EPDR1: variants seen among roughly 807,000 people sequenced by gnomAD.
The protein encoded by EPDR1 is mammalian ependymin-related protein 1.
EPDR1 carries 27 observed loss-of-function variants against 23.7 expected under a neutral mutation model. That is an observed-to-expected ratio of 1.14 (90% CI 0.84 to 1.57). The LOEUF is 1.57. Ranked by LOEUF, EPDR1 falls within the 40% of genes most tolerant of loss-of-function variation. The pLI is 0.00. For synonymous variants in EPDR1, 137 were observed against 118.2 expected (o/e 1.16, Z -1.03); for missense variants, 349 against 290.4 (o/e 1.20, Z -1.47).
intron 1 of EPDR1, among the ~76,000 whole-genome samples, chr7:37,927,375 G>GTT (rs139567755): frequency 6.6e-6 from 1 of 150,678 alleles, no homozygotes; most frequent in African/African-American, 2.4e-5. Flanking sequence ...GTTCATTCTA[G>GTT]TTTTTTTTTT....
intron 1 of EPDR1, among the ~76,000 whole-genome samples, chr7:37,942,537 C>G (rs1355976382): frequency 6.6e-6 from 1 of 152,148 alleles, no homozygotes; most frequent in Non-Finnish European, 1.5e-5. Flanking sequence ...TTTAACATTA[C>G]TGAACTGTAC....
intron 2 of EPDR1, 38 bp downstream of exon 2, chr7:37,949,086 G>A: frequency 6.3e-7 from 1 of 1,577,494 alleles, no homozygotes; most frequent in Non-Finnish European, 8.7e-7. Flanking sequence ...TATTCAGCAT[G>A]CATGATGGGG....
At chr7:37,944,121 A>G (rs1786223995) in intron 1 of EPDR1, among the ~76,000 whole-genome samples, 2 of 152,262 alleles carry the variant, frequency 1.3e-5, no homozygotes, top group South Asian at 4.1e-4. Context: ...TATTAGAACA[A>G]AGGAAGCTTA....
At chr7:37,948,818 C>T in intron 1 of EPDR1, 22 bp from the exon 2 acceptor site, 5 of 1,606,588 alleles carry the variant, frequency 3.1e-6, no homozygotes, top group Admixed American at 1.7e-5. Flanking sequence ...TCCCAAACTA[C>T]TTCTTTCCAT....
At chr7:37,940,806 TC>T (rs67254173) in intron 1 of EPDR1, among the ~76,000 whole-genome samples, 51,065 of 151,060 alleles carry the variant, frequency 0.34, 8,718 homozygotes, top group South Asian at 0.46. Flanking sequence ...GTTTTTTTTT[TC>T]TAATTGGAAG....
intron 1 of EPDR1, among the ~76,000 whole-genome samples, chr7:37,932,220 TTTG>T (rs1421035736): frequency 2.0e-5 from 3 of 152,110 alleles, no homozygotes; most frequent in African/African-American, 4.8e-5. Context: ...TGAGGTGGTT[TTTG>T]TTGTTGTTGT....
chr7:37,939,306 G>A (rs970010791), intron 1 of EPDR1, among the ~76,000 whole-genome samples: 1 of 151,934 alleles, frequency 6.6e-6, no homozygotes, highest in Non-Finnish European at 1.5e-5. Flanking sequence ...ACAAATTGAT[G>A]TGGATGAACT....
chr7:37,935,802 A>G (rs952169614), intron 1 of EPDR1, among the ~76,000 whole-genome samples: 1 of 151,386 alleles, frequency 6.6e-6, no homozygotes, highest in Non-Finnish European at 1.5e-5. Flanking sequence ...TGGGACAGTT[A>G]GTAGTATCTC....
chr7:37,926,588 G>A (rs1785819068), intron 1 of EPDR1: 1 of 419,048 alleles, frequency 2.4e-6, no homozygotes, highest in Admixed American at 2.4e-5. Flanking sequence ...GCACTTTAGT[G>A]CTTTTAAAGA....
At chr7:37,948,132 A>T (rs1786318081) in intron 1 of EPDR1, among the ~76,000 whole-genome samples, 1 of 151,806 alleles carries the variant, frequency 6.6e-6, no homozygotes, top group South Asian at 2.1e-4. Context: ...TGTTCAGTAT[A>T]CCCCCATAAT....
In EPDR1 at chr7:37,950,235, T is replaced by C; in HGVS notation, c.514T>C (p.Cys172Arg). Residue 172 changes from cysteine to arginine, a missense_variant, in exon 3 of 3, where the codon TGC (cysteine) becomes CGC (arginine). Transcript: ENST00000199448. The stretch of plus-strand genomic sequence containing the variant: ...GATTGGCATCTATACAGTCAAGGAT[T>C]GCTATCCTGTCCAGGAAACCTTTAC... ...TWIGIYTVKD[C>R]YPVQETFTIN... is the part of the protein sequence containing the mutation. 6.2e-7 allele frequency: 1 copy of C among 1,614,110 alleles called. No homozygotes were observed. The highest frequency in any genetic ancestry group is 1.3e-5 in the African/African-American group (1 of 75,052).
chr7:37,937,223 C>T (rs909431491), intron 1 of EPDR1, among the ~76,000 whole-genome samples: 28 of 152,144 alleles, frequency 1.8e-4, no homozygotes, highest in Non-Finnish European at 3.1e-4. Context: ...CCACATCTCA[C>T]ACCGTACATA....
At chr7:37,950,116 T>C in intron 2 of EPDR1, 84 bp from the exon 3 acceptor site, 1 of 995,650 alleles carries the variant, frequency 1.0e-6, no homozygotes. Flanking sequence ...AATTTTATGT[T>C]ATGTACATTT....
chr7:37,940,721 T>C (rs1278274462), intron 1 of EPDR1, among the ~76,000 whole-genome samples: 2 of 152,134 alleles, frequency 1.3e-5, no homozygotes, highest in Non-Finnish European at 2.9e-5. Flanking sequence ...AGGAAAGATA[T>C]ATAAAAGATA....
At chr7:37,922,307 G>A (rs1199903538) in intron 1 of EPDR1, among the ~76,000 whole-genome samples, 1 of 152,130 alleles carries the variant, frequency 6.6e-6, no homozygotes, top group Non-Finnish European at 1.5e-5. Flanking sequence ...AAGAAAGTAC[G>A]GAAAGGGCAG....
chr7:37,921,486 T>C, intron 1 of EPDR1: 5 of 1,352,188 alleles, frequency 3.7e-6, no homozygotes, highest in Non-Finnish European at 4.7e-6. Flanking sequence ...GGGATCAAGC[T>C]GCAGAGTGCC....
In EPDR1 at chr7:37,929,962, G is replaced by A. The variant is rs772519396; in HGVS notation, c.269+8754G>A. Among the ~76,000 whole-genome samples, 10 of 152,182 alleles carry A rather than the reference G, an allele frequency of 6.6e-5. No homozygotes were observed. In the South Asian group the frequency reaches 8.3e-4, roughly 13 times the overall value. ...CTCAGAAGCAGTGCCTTTTTGAGTC[G>A]GGAGGCCATCTGAAGAGGAATCAGA... is the stretch of plus-strand genomic sequence containing the variant. On this transcript the variant is annotated intron_variant, in intron 1 of 2. Coordinates refer to ENST00000199448, the MANE Select transcript of EPDR1 (RefSeq NM_017549.5).
At chr7:37,931,823 C>T (rs1230090775) in intron 1 of EPDR1, among the ~76,000 whole-genome samples, 1 of 152,044 alleles carries the variant, frequency 6.6e-6, no homozygotes, top group Non-Finnish European at 1.5e-5. Flanking sequence ...CTTAGCCTCC[C>T]GAGTAGCTGG....
intron 1 of EPDR1, among the ~76,000 whole-genome samples, chr7:37,948,270 C>T (rs990245851): frequency 3.9e-5 from 6 of 152,062 alleles, no homozygotes; most frequent in South Asian, 2.1e-4. Context: ...TGTTTGTATG[C>T]TAAGCACAGG....
Sources: allele counts gnomAD v4.1 joint callset (sites outside exome capture counted in the v4.1 genomes callset), GRCh38; gene constraint gnomAD v4.1.1; transcripts MANE v1.5; gene names NCBI Gene and HGNC (gene_info 2026-07-23, HGNC 2026-07-21).